KCNMA1: variants seen among roughly 807,000 people sequenced by gnomAD.
The protein encoded by KCNMA1 is potassium calcium-activated channel subfamily M alpha 1.
In KCNMA1, 29 loss-of-function variants were observed where a neutral mutation model predicts 140.0. The ratio of observed to expected loss-of-function variants is 0.21; its 90% CI spans 0.15 to 0.28. The LOEUF is 0.28. KCNMA1 is among the 10% of genes least tolerant of loss of function. KCNMA1 has a pLI of 1.00. For missense variants in KCNMA1, 880 were observed against 1,602.2 expected, an observed-to-expected ratio of 0.55 and a Z score of 7.70; for synonymous variants, 612 against 611.9, an observed-to-expected ratio of 1.00 and a Z score of 0.00.
chr10:77,057,239 C>A (rs1418246688), intron 14 of KCNMA1, among the ~76,000 whole-genome samples: 1 of 152,122 alleles, frequency 6.6e-6, no homozygotes, highest in Non-Finnish European at 1.5e-5. Flanking sequence ...GATTTCTCAT[C>A]AGAAACAATG....
intron 2 of KCNMA1, among the ~76,000 whole-genome samples, chr10:77,379,876 T>A (rs2095320481): frequency 6.6e-6 from 1 of 152,166 alleles, no homozygotes; most frequent in Non-Finnish European, 1.5e-5. Context: ...TCCATCAGAC[T>A]GCCATCACTA....
intron 2 of KCNMA1, among the ~76,000 whole-genome samples, chr10:77,285,793 T>C (rs1010580221): frequency 1.3e-5 from 2 of 152,220 alleles, no homozygotes; most frequent in African/African-American, 2.4e-5. Context: ...AAAAGCCAGT[T>C]ACTATCTCTA....
intron 22 of KCNMA1, among the ~76,000 whole-genome samples, chr10:76,947,437 CAT>C (rs2064432942): frequency 6.6e-6 from 1 of 152,096 alleles, no homozygotes; most frequent in African/African-American, 2.4e-5. Flanking sequence ...AAATATCACA[CAT>C]ATACCCATCT....
chr10:77,371,166 C>T (rs761259889), intron 2 of KCNMA1, among the ~76,000 whole-genome samples: 6 of 152,152 alleles, frequency 3.9e-5, no homozygotes, highest in Non-Finnish European at 7.3e-5. Context: ...ACGCTGGCTC[C>T]CTTTCCTTTA....
chr10:77,337,410 CGAGTTCCA>C (rs1251222659), intron 2 of KCNMA1, among the ~76,000 whole-genome samples: 1 of 152,106 alleles, frequency 6.6e-6, no homozygotes, highest in Non-Finnish European at 1.5e-5. Flanking sequence ...CATTTGAGGT[CGAGTTCCA>C]GACCTGCATG....
At position 77,112,418 on chromosome 10, in the gene KCNMA1, C is replaced by T; in HGVS notation, c.909G>A (p.Leu303=). 6.2e-7 allele frequency: 1 copy of T among 1,613,804 alleles called. No homozygotes were observed. Among genetic ancestry groups the T allele is most frequent in the Non-Finnish European group, 8.5e-7 (1 of 1,179,726 alleles). ...KTSNSIKLVN[L]LSIFISTWLT... is the part of the protein sequence containing the mutation. ...GCCACGTGCTGATAAATATGGAGAG[C>T]AGATTCACCAGCTTGATGGAATTAC... The change falls in exon 7 of 28, where the codon CTG becomes CTA. Residue 303 remains leucine (L), a synonymous_variant. Transcript: ENST00000286628.
intron 23 of KCNMA1, among the ~76,000 whole-genome samples, chr10:76,942,692 A>G (rs1286866406): frequency 6.6e-6 from 1 of 152,172 alleles, no homozygotes; most frequent in Non-Finnish European, 1.5e-5. Context: ...TAACTAAATT[A>G]TACACTGACA....
intron 5 of KCNMA1, among the ~76,000 whole-genome samples, chr10:77,180,165 C>T (rs1257301472): frequency 1.3e-5 from 2 of 152,156 alleles, no homozygotes; most frequent in African/African-American, 4.8e-5. Context: ...CATCTTATCC[C>T]AAACCTCAGC....
chr10:77,505,535 C>T (rs2045523782), intron 1 of KCNMA1, among the ~76,000 whole-genome samples: 2 of 152,208 alleles, frequency 1.3e-5, no homozygotes, highest in Non-Finnish European at 1.5e-5. Context: ...GATGTTACTT[C>T]TAACTTAGAA....
chr10:77,262,731 C>T (rs1169303380), intron 2 of KCNMA1, among the ~76,000 whole-genome samples: 1 of 152,088 alleles, frequency 6.6e-6, no homozygotes, highest in African/African-American at 2.4e-5. Flanking sequence ...GATACACCAG[C>T]TCTCCCTTTG....
intron 1 of KCNMA1, among the ~76,000 whole-genome samples, chr10:77,431,697 A>G (rs1483941094): frequency 8.8e-6 from 1 of 113,286 alleles, no homozygotes; most frequent in Non-Finnish European, 1.9e-5. Context: ...AAAAAAAAAA[A>G]AAAAAAAAAA....
At chr10:77,573,909 C>T (rs2072985189) in intron 1 of KCNMA1, among the ~76,000 whole-genome samples, 1 of 151,124 alleles carries the variant, frequency 6.6e-6, no homozygotes, top group African/African-American at 2.4e-5. Context: ...ACAATCTCAG[C>T]TCACTGCAAC....
At chr10:76,918,357 T>C (rs779365883) in intron 23 of KCNMA1, among the ~76,000 whole-genome samples, 1 of 152,226 alleles carries the variant, frequency 6.6e-6, no homozygotes, top group East Asian at 1.9e-4. Context: ...GAAGTTTAAA[T>C]CATCCACAGC....
intron 19 of KCNMA1, chr10:76,980,028 T>A (rs2078950383): frequency 6.6e-6 from 1 of 152,194 alleles, no homozygotes; most frequent in Non-Finnish European, 1.5e-5. Flanking sequence ...TTTATCTGTA[T>A]GCTATCATAA....
chr10:77,204,523 A>G (rs961861190), intron 3 of KCNMA1, among the ~76,000 whole-genome samples: 5 of 152,194 alleles, frequency 3.3e-5, no homozygotes, highest in African/African-American at 1.2e-4. Context: ...ATCTTCTATA[A>G]CTGGGAAACC....
chr10:77,114,435 T>C (rs2097401785), intron 6 of KCNMA1, among the ~76,000 whole-genome samples: 1 of 152,236 alleles, frequency 6.6e-6, no homozygotes, highest in South Asian at 2.1e-4. Flanking sequence ...CAAAGGCTTC[T>C]TGTTGACTAA....
At chr10:77,349,001 G>T (rs2092554904) in intron 2 of KCNMA1, among the ~76,000 whole-genome samples, 1 of 152,174 alleles carries the variant, frequency 6.6e-6, no homozygotes, top group South Asian at 2.1e-4. Flanking sequence ...AGATTATAAA[G>T]ATTGTATTGG....
intron 1 of KCNMA1, among the ~76,000 whole-genome samples, chr10:77,584,899 C>T (rs912782002): frequency 1.3e-5 from 2 of 152,222 alleles, no homozygotes; most frequent in East Asian, 1.9e-4. Flanking sequence ...GCATCACCTC[C>T]AGCTCCCTAT....
intron 1 of KCNMA1, among the ~76,000 whole-genome samples, chr10:77,439,142 GAAGAGAA>G (rs1202988900): frequency 3.8e-5 from 5 of 132,710 alleles, no homozygotes; most frequent in Admixed American, 7.4e-5. Flanking sequence ...GAAGAGAAGA[GAAGAGAA>G]AAGAGAAGAG....
Sources: gnomAD v4.1 joint callset for allele counts (sites outside exome capture counted in the v4.1 genomes callset) on GRCh38, gnomAD v4.1.1 for gene constraint, MANE v1.5 for transcripts, NCBI Gene and HGNC (gene_info 2026-07-23, HGNC 2026-07-21) for gene names.